The following BPIFA2 variants were observed in gnomAD, a reference collection of about 807,000 sequenced individuals.
The protein encoded by BPIFA2 is BPI fold containing family A member 2.
In BPIFA2, 20 loss-of-function variants were observed where a neutral mutation model predicts 25.7. That is an observed-to-expected ratio of 0.78 (90% CI 0.55 to 1.13). BPIFA2 has a LOEUF of 1.13. Ranked by LOEUF, BPIFA2 falls within the 50% of genes most tolerant of loss-of-function variation. The pLI is 0.00. For synonymous variants in BPIFA2, 126 were observed against 124.3 expected, an observed-to-expected ratio of 1.01 and a Z score of -0.09; for missense variants, 300 against 298.1, an observed-to-expected ratio of 1.01 and a Z score of -0.05.
intron 2 of BPIFA2, among the ~76,000 whole-genome samples, chr20:33,172,126 A>G (rs1983915979): frequency 6.6e-6 from 1 of 152,102 alleles, no homozygotes; most frequent in South Asian, 2.1e-4. Context: ...TCCTCAGCAA[A>G]CTAACACAGG....
chr20:33,165,592 G>C (rs1161122099), upstream of BPIFA2, among the ~76,000 whole-genome samples: 1 of 152,208 alleles, frequency 6.6e-6, no homozygotes, highest in Non-Finnish European at 1.5e-5. Flanking sequence ...CACTGAGCCA[G>C]GTATGGAAAA....
At position 33,169,322 on chromosome 20, in the gene BPIFA2, G is replaced by A; in HGVS notation, c.157+20G>A. The A allele has an allele frequency of 6.2e-7, 1 of 1,611,428 alleles. No individual in the cohort carries two copies. Among genetic ancestry groups the A allele is most frequent in the Non-Finnish European group, 8.5e-7 (1 of 1,177,646 alleles). ...TTAAAGGTAAATCAACAAGGGTGATGAACAGTGTCACCTAAATTAGCCTCC... is the reference window on the plus strand; with the variant it reads ...TTAAAGGTAAATCAACAAGGGTGATAAACAGTGTCACCTAAATTAGCCTCC... On this transcript the variant is annotated intron_variant, in intron 2 of 8. Transcript: ENST00000354932.
chr20:33,168,590 A>T (rs1293186429), intron 1 of BPIFA2, among the ~76,000 whole-genome samples: 1 of 152,200 alleles, frequency 6.6e-6, no homozygotes, highest in South Asian at 2.1e-4. Context: ...CGTTTACTGT[A>T]CTGTACTAGG....
intron 5 of BPIFA2, among the ~76,000 whole-genome samples, chr20:33,177,726 G>C (rs1042185634): frequency 6.6e-6 from 1 of 152,178 alleles, no homozygotes; most frequent in African/African-American, 2.4e-5. Context: ...ATTATACTAA[G>C]AGTTGAAGGT....
At chr20:33,166,678 G>T (rs766815561), upstream of BPIFA2, among the ~76,000 whole-genome samples, 2 of 152,138 alleles carry the variant, frequency 1.3e-5, no homozygotes, top group Non-Finnish European at 2.9e-5. Context: ...TCTGAGCACT[G>T]CCCTCAAAGC....
At chr20:33,169,332 A>C (rs750605134) in intron 2 of BPIFA2, 30 bp downstream of exon 2, 25 of 1,608,550 alleles carry the variant, frequency 1.6e-5, no homozygotes, top group Non-Finnish European at 2.1e-5. Context: ...GAACAGTGTC[A>C]CCTAAATTAG....
chr20:33,180,084 G>A (rs1224711460), intron 7 of BPIFA2, among the ~76,000 whole-genome samples: 1 of 152,108 alleles, frequency 6.6e-6, no homozygotes, highest in Non-Finnish European at 1.5e-5. Flanking sequence ...CAGGCGTGGT[G>A]GCATCCACCT....
Position 33,181,267 on chromosome 20 carries a change from T to G in BPIFA2, c.*81T>G, listed in dbSNP as rs187633676. 33 of 152,416 alleles carry G rather than the reference T, an allele frequency of 2.2e-4. No individual in the cohort carries two copies. The highest frequency in any genetic ancestry group is 7.7e-4 in the African/African-American group (32 of 41,534). 9.4% of individuals were successfully genotyped at this position (152,416 alleles called of 1,614,324 possible). A position where few individuals can be genotyped will look rare whatever the true frequency, so the allele number is the denominator to read the frequency against. On this transcript the variant is annotated 3_prime_UTR_variant, in exon 9 of 9. Transcript: ENST00000354932. ...GCCCCACCCCCTTATAGCATCTCCC[T>G]CCAGGAAGCTGCTGCCACCACCTAA...
rs529308659 is a variant in BPIFA2, at chr20:33,173,141, G to C, written c.302+65G>C. ...AAAGGGAAAACATATCTTTGAGGAG[G>C]TAAGTTTAAGATGAAAGACAGATGG... On this transcript the variant is annotated intron_variant, in intron 3 of 8. Transcript: ENST00000354932. 1,542 of 1,551,838 alleles carry C rather than the reference G, an allele frequency of 9.9e-4. 1 individual carries two copies. Among genetic ancestry groups the C allele is most frequent in the Non-Finnish European group, 1.3e-3 (1,464 of 1,139,182 alleles).
At chr20:33,173,624 C>A (rs1983977093) in intron 3 of BPIFA2, among the ~76,000 whole-genome samples, 1 of 152,192 alleles carries the variant, frequency 6.6e-6, no homozygotes, top group South Asian at 2.1e-4. Flanking sequence ...CCTGCCTCAG[C>A]CTCCTGAGTA....
At chr20:33,173,101 A>T (rs1465827590) in intron 3 of BPIFA2, 25 bp downstream of exon 3, 2 of 1,608,626 alleles carry the variant, frequency 1.2e-6, no homozygotes, top group South Asian at 1.1e-5. Context: ...CAGGGTGGAG[A>T]TCTTTGCTCT....
At chr20:33,167,945 T>C (rs1394096940), upstream of BPIFA2, among the ~76,000 whole-genome samples, 3 of 152,318 alleles carry the variant, frequency 2.0e-5, no homozygotes, top group Admixed American at 6.5e-5. Flanking sequence ...GACCTGGTCT[T>C]AGTCTTGGCG....
upstream of BPIFA2, among the ~76,000 whole-genome samples, chr20:33,164,480 G>A (rs1983665200): frequency 6.6e-6 from 1 of 152,072 alleles, no homozygotes; most frequent in South Asian, 2.1e-4. Context: ...GGACTGGCGA[G>A]ACGTGGCTGA....
rs531781819 is a variant in BPIFA2, at chr20:33,178,742, T to C, written c.645+514T>C. 1.7e-4 allele frequency among the ~76,000 whole-genome samples: 26 copies of C among 152,156 alleles called. No homozygotes were observed. In the South Asian group the frequency reaches 5.4e-3, roughly 32 times the overall value. On this transcript the variant is annotated intron_variant, in intron 6 of 8. Coordinates refer to ENST00000354932, the MANE Select transcript of BPIFA2 (RefSeq NM_080574.4). ...CTGGAAGCAGACCCAGGAATGTGGG[T>C]TTATAAAAGAAAAATCCTCCGGATG...
At chr20:33,179,774 G>C (rs1984211080) in intron 7 of BPIFA2, 107 bp downstream of exon 7, 1 of 1,165,666 alleles carries the variant, frequency 8.6e-7, no homozygotes. Context: ...AGGACCCACT[G>C]TCCTAAGCAA....
At position 33,179,621 on chromosome 20, in the gene BPIFA2, C is replaced by T; in HGVS notation, c.663C>T (p.Arg221=). Reference sequence around the variant, plus strand: ...GCTGTCAGATATGTCCACTGATCCGCATCTTCATCCACTCCCTGGATGTGA... The same window carrying T: ...GCTGTCAGATATGTCCACTGATCCGTATCTTCATCCACTCCCTGGATGTGA... ...LLQKEICPLI[R]IFIHSLDVNV... is the part of the protein sequence containing the mutation. The change falls in exon 7 of 9, where the codon CGC becomes CGT. Residue 221 remains arginine (R), a synonymous_variant. Coordinates refer to ENST00000354932, the MANE Select transcript of BPIFA2 (RefSeq NM_080574.4). 6.2e-7 allele frequency: 1 copy of T among 1,612,596 alleles called. No homozygotes were observed. The highest frequency in any genetic ancestry group is 1.1e-5 in the South Asian group (1 of 91,054).
chr20:33,167,116 T>C (rs1983749515), upstream of BPIFA2, among the ~76,000 whole-genome samples: 1 of 152,196 alleles, frequency 6.6e-6, no homozygotes, highest in Non-Finnish European at 1.5e-5. Context: ...AACAGCCAGC[T>C]CCTGGAGCCA....
intron 5 of BPIFA2, among the ~76,000 whole-genome samples, chr20:33,176,715 A>C (rs1327204397): frequency 6.6e-6 from 1 of 152,118 alleles, no homozygotes; most frequent in Non-Finnish European, 1.5e-5. Context: ...GTTCAATCCC[A>C]AGTGCTCCCC....
At chr20:33,172,409 A>AT (rs534546514) in intron 2 of BPIFA2, among the ~76,000 whole-genome samples, 1,581 of 117,138 alleles carry the variant, frequency 0.013, 37 homozygotes, top group African/African-American at 0.099. Flanking sequence ...GTTAAAAAAA[A>AT]AAAATTATTA....
Sources: gnomAD v4.1 joint callset for allele counts (sites outside exome capture counted in the v4.1 genomes callset) on GRCh38, gnomAD v4.1.1 for gene constraint, MANE v1.5 for transcripts, NCBI Gene and HGNC (gene_info 2026-07-23, HGNC 2026-07-21) for gene names.